SPOCK3: variants seen among roughly 807,000 people sequenced by gnomAD.
The protein encoded by SPOCK3 is SPARC (osteonectin), cwcv and kazal like domains proteoglycan 3, also known as testican-3.
A neutral mutation model predicts 56.6 loss-of-function variants in SPOCK3; 30 were observed. That is an observed-to-expected ratio of 0.53 (90% CI 0.40 to 0.72). SPOCK3 has a LOEUF of 0.72. Among genes scored for constraint, SPOCK3 ranks in the 30% least tolerant of loss-of-function variants. SPOCK3 has a pLI of 0.00. For synonymous variants in SPOCK3, 196 were observed against 183.3 expected, an observed-to-expected ratio of 1.07 and a Z score of -0.56; for missense variants, 527 against 530.0, an observed-to-expected ratio of 0.99 and a Z score of 0.06.
chr4:166,795,137 C>G (rs17052606), intron 6 of SPOCK3, among the ~76,000 whole-genome samples: 3,385 of 152,228 alleles, frequency 0.022, 55 homozygotes, highest in Middle Eastern at 0.058. Flanking sequence ...AACTCAAACA[C>G]TGGAGTATCA....
At chr4:166,775,069 C>T (rs1011139725) in intron 7 of SPOCK3, among the ~76,000 whole-genome samples, 1 of 151,952 alleles carries the variant, frequency 6.6e-6, no homozygotes, top group Non-Finnish European at 1.5e-5. Context: ...ATTATTTGAG[C>T]AGAAATATAA....
chr4:167,085,891 C>A (rs1212184793), intron 2 of SPOCK3, among the ~76,000 whole-genome samples: 1 of 152,014 alleles, frequency 6.6e-6, no homozygotes, highest in Non-Finnish European at 1.5e-5. Flanking sequence ...ATGTCAAACA[C>A]AGCACATGAT....
At chr4:166,977,429 TAGG>T (rs1746078105) in intron 4 of SPOCK3, among the ~76,000 whole-genome samples, 1 of 151,002 alleles carries the variant, frequency 6.6e-6, no homozygotes, top group Non-Finnish European at 1.5e-5. Context: ...AATTATTAAG[TAGG>T]CAAGAAAGGC....
chr4:166,768,759 C>T (rs1318646602), intron 7 of SPOCK3, among the ~76,000 whole-genome samples: 2 of 152,180 alleles, frequency 1.3e-5, no homozygotes, highest in Non-Finnish European at 2.9e-5. Context: ...GGAAATTCTC[C>T]TGCATAATAT....
chr4:167,191,774 T>G (rs1732488569), intron 2 of SPOCK3, among the ~76,000 whole-genome samples: 1 of 145,306 alleles, frequency 6.9e-6, no homozygotes, highest in Non-Finnish European at 1.5e-5. Context: ...AGTTTTACAT[T>G]TCTTTTTCTT....
chr4:166,742,254 T>TATCTATC (rs1553961203), intron 8 of SPOCK3, among the ~76,000 whole-genome samples, 195 bp from the exon 9 acceptor site: 1 of 151,912 alleles, frequency 6.6e-6, no homozygotes, highest in South Asian at 2.1e-4. Context: ...TCTATCTATC[T>TATCTATC]ATCTATCTAT....
chr4:166,852,553 A>G (rs756970377), intron 6 of SPOCK3, among the ~76,000 whole-genome samples: 1 of 152,132 alleles, frequency 6.6e-6, no homozygotes, highest in Non-Finnish European at 1.5e-5. Context: ...ACAACCAACT[A>G]GCATTCTTTT....
chr4:166,792,061 T>C, intron 7 of SPOCK3, 109 bp downstream of exon 7: 1 of 1,273,334 alleles, frequency 7.9e-7, no homozygotes, highest in East Asian at 2.4e-5. Context: ...TTTTATTCAG[T>C]ATATATGCAG....
At position 166,821,035 on chromosome 4, in the gene SPOCK3, A is replaced by G. The variant is rs181474336; in HGVS notation, c.590-28746T>C. 2.7e-3 allele frequency among the ~76,000 whole-genome samples: 411 copies of G among 152,174 alleles called. 2 individuals carry two copies. The highest frequency in any genetic ancestry group is 3.7e-3 in the Non-Finnish European group (252 of 67,980). Reference sequence around the variant, plus strand: ...GGTCACAGCTTGAGAGAAAGAGAAGATGTTTTCAAATGATATATCTGATAA... The same window carrying G: ...GGTCACAGCTTGAGAGAAAGAGAAGGTGTTTTCAAATGATATATCTGATAA... On this transcript the variant is annotated intron_variant, in intron 6 of 10. Transcript: ENST00000357545.
intron 6 of SPOCK3, among the ~76,000 whole-genome samples, chr4:166,819,032 T>G (rs1442971437): frequency 6.6e-6 from 1 of 152,064 alleles, no homozygotes; most frequent in Non-Finnish European, 1.5e-5. Flanking sequence ...CCTGGTAATA[T>G]TTGGACAAAC....
chr4:166,875,408 T>C (rs1038543691), intron 6 of SPOCK3, among the ~76,000 whole-genome samples: 2 of 152,136 alleles, frequency 1.3e-5, no homozygotes, highest in African/African-American at 4.8e-5. Context: ...AATAATATTA[T>C]TGCTGTCTAC....
chr4:167,119,147 G>A (rs1448848369), intron 2 of SPOCK3, among the ~76,000 whole-genome samples: 1 of 149,300 alleles, frequency 6.7e-6, no homozygotes, highest in Non-Finnish European at 1.5e-5. Context: ...TGGGGGAGGG[G>A]GGGGAACACC....
intron 6 of SPOCK3, among the ~76,000 whole-genome samples, chr4:166,830,857 G>A (rs1214698508): frequency 6.6e-6 from 1 of 152,080 alleles, no homozygotes; most frequent in Non-Finnish European, 1.5e-5. Context: ...AAAAGCTAGA[G>A]AACTTCCTCA....
intron 2 of SPOCK3, among the ~76,000 whole-genome samples, chr4:167,098,066 T>C (rs1310641450): frequency 1.3e-5 from 2 of 152,032 alleles, no homozygotes; most frequent in Non-Finnish European, 2.9e-5. Context: ...ATCTTAGGTG[T>C]GACAGAAAAC....
intron 3 of SPOCK3, among the ~76,000 whole-genome samples, chr4:167,021,864 G>GA: frequency 6.6e-6 from 1 of 152,070 alleles, no homozygotes; most frequent in South Asian, 2.1e-4. Context: ...CTCAGTAATA[G>GA]AAAATGTACA....
intron 6 of SPOCK3, among the ~76,000 whole-genome samples, chr4:166,856,194 G>C (rs1730640785): frequency 6.6e-6 from 1 of 152,010 alleles, no homozygotes; most frequent in Non-Finnish European, 1.5e-5. Context: ...AGGAAGTGGA[G>C]TGGGTAGAAA....
intron 2 of SPOCK3, among the ~76,000 whole-genome samples, chr4:167,227,819 A>C (rs989797637): frequency 1.6e-4 from 24 of 152,266 alleles, no homozygotes; most frequent in African/African-American, 5.8e-4. Flanking sequence ...CAATCATAAG[A>C]TCTAAAAGCA....
intron 8 of SPOCK3, among the ~76,000 whole-genome samples, chr4:166,750,206 T>C (rs1736199674): frequency 6.6e-6 from 1 of 152,192 alleles, no homozygotes; most frequent in Non-Finnish European, 1.5e-5. Context: ...AAGTCTAGCC[T>C]TTAGGTATTC....
At chr4:167,230,856 T>C (rs2111175250) in intron 2 of SPOCK3, among the ~76,000 whole-genome samples, 1 of 152,260 alleles carries the variant, frequency 6.6e-6, no homozygotes, top group Non-Finnish European at 1.5e-5. Flanking sequence ...TAACAAACTT[T>C]ATTCAACAGA....
Sources: gnomAD v4.1 joint callset for allele counts (sites outside exome capture counted in the v4.1 genomes callset) on GRCh38, gnomAD v4.1.1 for gene constraint, MANE v1.5 for transcripts, NCBI Gene and HGNC (gene_info 2026-07-23, HGNC 2026-07-21) for gene names.